Variants in NEBL observed in about 807,000 individuals in gnomAD.
NEBL encodes nebulette, also known as LIM and SH3 protein 2.
NEBL carries 122 observed loss-of-function variants against 140.2 expected under a neutral mutation model. The ratio of observed to expected loss-of-function variants is 0.87; its 90% CI spans 0.75 to 1.01. NEBL has a LOEUF of 1.01. Ranked by LOEUF, NEBL falls within the 50% of genes least tolerant of loss-of-function variation. The pLI is 0.00. For missense variants in NEBL, 1,365 were observed against 1,231.3 expected, an observed-to-expected ratio of 1.11 and a Z score of -1.62; for synonymous variants, 436 against 398.9, an observed-to-expected ratio of 1.09 and a Z score of -1.11.
intron 3 of NEBL, among the ~76,000 whole-genome samples, chr10:21,186,364 T>C (rs1841471933): frequency 6.6e-6 from 1 of 151,212 alleles, no homozygotes; most frequent in Non-Finnish European, 1.5e-5. Flanking sequence ...TATTCGGAAG[T>C]GGGACCCTAG....
At chr10:21,263,882 T>C (rs547177731) in intron 1 of NEBL, among the ~76,000 whole-genome samples, 95 of 152,220 alleles carry the variant, frequency 6.2e-4, no homozygotes, top group African/African-American at 2.2e-3. Context: ...GGAGAATCAC[T>C]TGAACCTGGG....
At chr10:20,982,202 T>C (rs909049922) in intron 3 of NEBL, among the ~76,000 whole-genome samples, 1 of 151,728 alleles carries the variant, frequency 6.6e-6, no homozygotes, top group Non-Finnish European at 1.5e-5. Flanking sequence ...ATGCATCGTG[T>C]AGTTACAGAA....
chr10:21,211,429 T>C (rs532956179), intron 3 of NEBL, among the ~76,000 whole-genome samples: 1 of 152,278 alleles, frequency 6.6e-6, no homozygotes, highest in South Asian at 2.1e-4. Context: ...TACAGTGAGC[T>C]GTGACCTTGC....
At chr10:21,272,687 T>G (rs1842874204) in intron 1 of NEBL, among the ~76,000 whole-genome samples, 1 of 152,208 alleles carries the variant, frequency 6.6e-6, no homozygotes, top group Non-Finnish European at 1.5e-5. Context: ...AAGTTGCTTT[T>G]TGCATCTGTA....
intron 2 of NEBL, among the ~76,000 whole-genome samples, chr10:21,032,228 G>A (rs1833829540): frequency 6.6e-6 from 1 of 152,104 alleles, no homozygotes; most frequent in Admixed American, 6.6e-5. Flanking sequence ...CATTTAATAG[G>A]TAGAGACATT....
intron 3 of NEBL, among the ~76,000 whole-genome samples, chr10:21,189,863 C>T (rs1841545096): frequency 6.6e-6 from 1 of 152,158 alleles, no homozygotes; most frequent in African/African-American, 2.4e-5. Flanking sequence ...TCTAAAGTGT[C>T]CATTTTTCTC....
intron 2 of NEBL, among the ~76,000 whole-genome samples, chr10:21,169,464 T>C (rs2132177729): frequency 6.6e-6 from 1 of 152,250 alleles, no homozygotes; most frequent in Middle Eastern, 3.4e-3. Context: ...CTGATTGACA[T>C]GCACCACGTG....
At chr10:21,230,241 A>C (rs896975540) in intron 3 of NEBL, among the ~76,000 whole-genome samples, 1 of 152,028 alleles carries the variant, frequency 6.6e-6, no homozygotes, top group African/African-American at 2.4e-5. Flanking sequence ...CTGGATTTGA[A>C]TCTCCCTTCT....
intron 1 of NEBL, among the ~76,000 whole-genome samples, chr10:21,255,036 T>C (rs1842637826): frequency 6.6e-6 from 1 of 152,076 alleles, no homozygotes; most frequent in Non-Finnish European, 1.5e-5. Context: ...TTGGAGGCCA[T>C]AGGACAGTCT....
rs751136883 is a variant in NEBL, at chr10:21,146,373, C to T, written c.164+26010G>A. On this transcript the variant is annotated intron_variant, in intron 2 of 6. Coordinates refer to the NEBL transcript ENST00000417816. ...ATGTCTGGAATGTACATTTCAGCCA[C>T]ACAAGAAAAAAATGACTGGTTGATT... 1.5e-5 allele frequency: 25 copies of T among 1,613,120 alleles called. No individual in the cohort carries two copies. The Admixed American group carries it at 2.5e-4, about 16-fold the overall frequency.
At chr10:20,939,043 A>G (rs1365683144) in intron 4 of NEBL, among the ~76,000 whole-genome samples, 1 of 152,216 alleles carries the variant, frequency 6.6e-6, no homozygotes, top group Non-Finnish European at 1.5e-5. Flanking sequence ...AACTTCCCCA[A>G]TCTAGCAAGG....
chr10:20,984,920 C>G (rs1360913126), intron 3 of NEBL, among the ~76,000 whole-genome samples: 1 of 152,120 alleles, frequency 6.6e-6, no homozygotes, highest in East Asian at 1.9e-4. Context: ...GAGCACGAAC[C>G]CTATTGTGAA....
chr10:21,187,316 G>T (rs984102871), intron 3 of NEBL, among the ~76,000 whole-genome samples: 2 of 151,896 alleles, frequency 1.3e-5, no homozygotes, highest in African/African-American at 4.8e-5. Flanking sequence ...CATGAGAATG[G>T]ACTAATACAC....
rs761471295 is a variant in NEBL at position 20,880,878 on chromosome 10, AG to A, written c.395del (p.Ala132ValfsTer11). ...GGGCATAATCTGAGAATCCTTTGGC[AG>A]CATCATGTTTCTGCTTGTAGGCCAC... ...SEVAYKQKHD[A>X]AKGFSDYAHM... On this transcript the variant is annotated frameshift_variant, in exon 5 of 28. Transcript: ENST00000377122. LOFTEE classifies it high-confidence loss of function. The A allele has an allele frequency of 1.2e-6, 2 of 1,614,128 alleles. No individual in the cohort carries two copies. The highest frequency in any genetic ancestry group is 2.2e-5 in the South Asian group (2 of 91,082).
chr10:21,228,814 G>A (rs1363118169), intron 3 of NEBL, among the ~76,000 whole-genome samples: 1 of 152,118 alleles, frequency 6.6e-6, no homozygotes, highest in Non-Finnish European at 1.5e-5. Flanking sequence ...GCCTGTTACA[G>A]TCATTCATTT....
At chr10:21,236,345 AT>A (rs147170707) in intron 3 of NEBL, among the ~76,000 whole-genome samples, 8,807 of 125,300 alleles carry the variant, frequency 0.07, 418 homozygotes, top group African/African-American at 0.18. Context: ...CCTTTTTTTA[AT>A]TTTTTTTTTT....
intron 2 of NEBL, among the ~76,000 whole-genome samples, chr10:21,163,334 T>C (rs1016900888): frequency 2.0e-5 from 3 of 152,160 alleles, no homozygotes; most frequent in African/African-American, 7.2e-5. Context: ...ACTGGGCAGA[T>C]AGTGGGGAGA....
intron 2 of NEBL, among the ~76,000 whole-genome samples, chr10:21,072,069 C>T (rs1835843088): frequency 6.6e-6 from 1 of 152,132 alleles, no homozygotes. Flanking sequence ...CCACCCACCT[C>T]AACCTCCCAA....
intron 4 of NEBL, among the ~76,000 whole-genome samples, chr10:20,934,310 T>C (rs943713250): frequency 6.6e-6 from 1 of 152,172 alleles, no homozygotes; most frequent in Admixed American, 6.5e-5. Flanking sequence ...TGAAGGGATA[T>C]ATAAAGTGTT....
Sources: allele counts gnomAD v4.1 joint callset (sites outside exome capture counted in the v4.1 genomes callset), GRCh38; gene constraint gnomAD v4.1.1; transcripts MANE v1.5; gene names NCBI Gene and HGNC (gene_info 2026-07-23, HGNC 2026-07-21).